The following CD72 variants were observed in gnomAD, a reference collection of about 807,000 sequenced individuals.
The protein encoded by CD72 is B-cell differentiation antigen CD72.
CD72 carries 28 observed loss-of-function variants against 50.7 expected under a neutral mutation model. The observed-to-expected ratio is 0.55, with a 90% CI of 0.41 to 0.76. The LOEUF is 0.76. CD72 is among the 30% of genes least tolerant of loss of function. The pLI is 0.00. For missense variants in CD72, 403 were observed against 420.6 expected, an observed-to-expected ratio of 0.96 and a Z score of 0.37; for synonymous variants, 176 against 171.2, an observed-to-expected ratio of 1.03 and a Z score of -0.22.
At chr9:35,621,761 A>G (rs1488138361), upstream of CD72, among the ~76,000 whole-genome samples, 4 of 152,226 alleles carry the variant, frequency 2.6e-5, no homozygotes, top group Non-Finnish European at 5.9e-5. Flanking sequence ...CACAGGAGAA[A>G]CACTCAACCC....
chr9:35,622,261 T>C (rs755992675), upstream of CD72, among the ~76,000 whole-genome samples: 2 of 152,162 alleles, frequency 1.3e-5, no homozygotes, highest in African/African-American at 2.4e-5. Flanking sequence ...GCCACCTGAT[T>C]GCACCATGAG....
chr9:35,630,035 T>TC (rs1165919301), intron 1 of CD72, among the ~76,000 whole-genome samples: 1 of 67,530 alleles, frequency 1.5e-5, no homozygotes, highest in Non-Finnish European at 3.1e-5. Context: ...GAATTTCTTT[T>TC]CTTTTTTTTT....
chr9:35,617,209 C>T lies in CD72; in HGVS notation c.229G>A (p.Val77Met), dbSNP rs1332108657. The T allele has an allele frequency of 6.4e-7, 1 of 1,569,792 alleles. No individual in the cohort carries two copies. The highest frequency in any genetic ancestry group is 1.4e-5 in the African/African-American group (1 of 73,894). Residue 77 changes from valine to methionine, a missense_variant, in exon 3 of 9, where the codon GTG becomes ATG. By Grantham distance (21) the Val-to-Met change is conservative (BLOSUM62 1). Coordinates refer to ENST00000259633, the MANE Select transcript of CD72 (RefSeq NM_001782.3). ...SEQPTASWRA[V>M]TSPAVGRILP... ...ATCCGCCCGACAGCTGGTGACGTCA[C>T]GGCTCTCCAGGACGCAGTTGGCTGC...
At position 35,610,669 on chromosome 9, in the gene CD72, A is replaced by G; in HGVS notation, c.1035T>C (p.Ser345=). 6.2e-7 allele frequency: 1 copy of G among 1,613,784 alleles called. No homozygotes were observed. The highest frequency in any genetic ancestry group is 8.5e-7 in the Non-Finnish European group (1 of 1,179,642). The change falls in exon 8 of 9, where the codon TCT becomes TCC. Residue 345 remains serine, a synonymous_variant. Transcript: ENST00000259633. ...WTLESESCRS[S]LPYICEMTAF... ...CTGTCATCTCACAGATGTAGGGAAG[A>G]GAACTTCTACATGACTCTGACTCCA...
chr9:35,619,840 G>A (rs1823128050), upstream of CD72, among the ~76,000 whole-genome samples: 1 of 152,196 alleles, frequency 6.6e-6, no homozygotes, highest in Non-Finnish European at 1.5e-5. Context: ...TTTCAGAAAA[G>A]TCGTCAAAGG....
intron 5 of CD72, among the ~76,000 whole-genome samples, chr9:35,613,440 C>T (rs889467027): frequency 1.3e-5 from 2 of 152,104 alleles, no homozygotes; most frequent in Non-Finnish European, 2.9e-5. Context: ...CTCCTTTTCC[C>T]TCCTCTCCAC....
upstream of CD72, among the ~76,000 whole-genome samples, chr9:35,622,817 A>G (rs975536995): frequency 2.0e-5 from 3 of 151,942 alleles, no homozygotes; most frequent in Non-Finnish European, 4.4e-5. Flanking sequence ...TAATAATAAT[A>G]ACAGCAAAGT....
Position 35,611,883 on chromosome 9 carries a change from C to A in CD72, c.871G>T (p.Gly291Cys), listed in dbSNP as rs750352931. The A allele has an allele frequency of 1.2e-6, 2 of 1,610,366 alleles. No individual in the cohort carries two copies. The highest frequency in any genetic ancestry group is 4.5e-5 in the East Asian group (2 of 44,858). ...GTCCAATATGAATTCCCTGAACCAC[C>A]ATTTGGCAACAGTGAATTTAAGAAG... ...YYFLNSLLPNGGSGNSYWTGL... is the reference protein window; with the variant it reads ...YYFLNSLLPNCGSGNSYWTGL... The change falls in exon 7 of 9, where the codon GGT (glycine) becomes TGT (cysteine). Residue 291 changes from glycine (G) to cysteine (C), a missense_variant. Gly to Cys is a radical substitution (Grantham distance 159, BLOSUM62 -3). Coordinates refer to ENST00000259633, the MANE Select transcript of CD72 (RefSeq NM_001782.3).
At chr9:35,645,553 G>C (rs181885429) in intron 1 of CD72, among the ~76,000 whole-genome samples, 1 of 151,652 alleles carries the variant, frequency 6.6e-6, no homozygotes, top group Non-Finnish European at 1.5e-5. Flanking sequence ...CTGCACTCCA[G>C]CTTGGGCAAC....
chr9:35,632,314 A>AC (rs1478458529), intron 1 of CD72, among the ~76,000 whole-genome samples: 1 of 151,118 alleles, frequency 6.6e-6, no homozygotes, highest in Non-Finnish European at 1.5e-5. Flanking sequence ...AGCTGGGATT[A>AC]CAGGTGCCCA....
At chr9:35,616,814 A>G in intron 3 of CD72, 125 bp from the exon 4 acceptor site, 1 of 1,004,318 alleles carries the variant, frequency 1.0e-6, no homozygotes, top group Non-Finnish European at 1.5e-6. Flanking sequence ...TGCAGAGCTG[A>G]GGGGGCAAGC....
At chr9:35,626,998 T>C (rs558624518) in intron 1 of CD72, among the ~76,000 whole-genome samples, 8 of 152,064 alleles carry the variant, frequency 5.3e-5, no homozygotes, top group African/African-American at 1.2e-4. Context: ...CCACCATGCC[T>C]GGCTAATCTT....
intron 1 of CD72, among the ~76,000 whole-genome samples, chr9:35,635,554 T>C (rs568029495): frequency 6.6e-6 from 1 of 152,362 alleles, no homozygotes; most frequent in African/African-American, 2.4e-5. Context: ...TTCACACATA[T>C]CTCTTCCAGG....
upstream of CD72, among the ~76,000 whole-genome samples, chr9:35,620,089 G>A (rs1250745280): frequency 6.6e-6 from 1 of 151,982 alleles, no homozygotes; most frequent in Non-Finnish European, 1.5e-5. Context: ...TCAAATACTT[G>A]AACCTGTGGT....
intron 1 of CD72, among the ~76,000 whole-genome samples, chr9:35,633,119 T>C (rs553232627): frequency 6.6e-6 from 1 of 151,314 alleles, no homozygotes; most frequent in East Asian, 1.9e-4. Context: ...TTTTTTTTTT[T>C]TCTTCAGAGA....
At chr9:35,614,169 T>C (rs1467939830) in intron 5 of CD72, among the ~76,000 whole-genome samples, 1 of 152,216 alleles carries the variant, frequency 6.6e-6, no homozygotes, top group East Asian at 1.9e-4. Context: ...GGGTTTTACA[T>C]AGAGGAATTT....
At chr9:35,610,323 AG>A in intron 8 of CD72, 23 bp from the exon 9 acceptor site, 1 of 176,440 alleles carries the variant, frequency 5.7e-6, no homozygotes, top group Non-Finnish European at 1.0e-5. Context: ...AGTATCAGTG[AG>A]CTCCATGGTT....
At position 35,610,593 on chromosome 9, in the gene CD72, C is replaced by T. The variant is rs1219080631; in HGVS notation, c.*22+9G>A. ...CTCCCCATGCCTCAGCCCCATCCCTCACTCTTACCAACTCAGTGCAAAGGA... is the reference window on the plus strand; with the variant it reads ...CTCCCCATGCCTCAGCCCCATCCCTTACTCTTACCAACTCAGTGCAAAGGA... On this transcript the variant is annotated intron_variant, in intron 8 of 8. Transcript: ENST00000259633. The T allele has an allele frequency of 6.2e-7, 1 of 1,607,400 alleles. No homozygotes were observed. Among genetic ancestry groups the T allele is most frequent in the East Asian group, 2.2e-5 (1 of 44,688 alleles).
At chr9:35,617,410 G>A (rs1054068657) in intron 2 of CD72, among the ~76,000 whole-genome samples, 163 bp from the exon 3 acceptor site, 1 of 152,078 alleles carries the variant, frequency 6.6e-6, no homozygotes, top group Non-Finnish European at 1.5e-5. Flanking sequence ...TTCCTCCTCT[G>A]CCCGGGACTC....
Sources: gnomAD v4.1 joint callset for allele counts (sites outside exome capture counted in the v4.1 genomes callset) on GRCh38, gnomAD v4.1.1 for gene constraint, MANE v1.5 for transcripts, NCBI Gene and HGNC (gene_info 2026-07-23, HGNC 2026-07-21) for gene names.